KLHL23: variants seen among roughly 807,000 people sequenced by gnomAD.
KLHL23 encodes kelch like family member 23.
Under a neutral mutation model 48.9 loss-of-function variants are expected in KLHL23, and 33 were observed. The observed-to-expected ratio is 0.67, with a 90% CI of 0.51 to 0.90. The LOEUF is 0.90. KLHL23 is among the 40% of genes least tolerant of loss of function. KLHL23 has a pLI of 0.00. For missense variants in KLHL23, 608 were observed against 669.6 expected (o/e 0.91, Z 1.02); for synonymous variants, 234 against 231.6 (o/e 1.01, Z -0.09).
At chr2:169,737,447 C>T (rs973903064) in intron 2 of KLHL23, among the ~76,000 whole-genome samples, 4 of 152,006 alleles carry the variant, frequency 2.6e-5, no homozygotes, top group Admixed American at 1.3e-4. Flanking sequence ...CACTACTTGC[C>T]GATTCCAGGA....
At chr2:169,744,909 A>G (rs1446333276) in intron 3 of KLHL23, among the ~76,000 whole-genome samples, 1 of 150,540 alleles carries the variant, frequency 6.6e-6, no homozygotes, top group Admixed American at 6.6e-5. Context: ...GAGCAAGAGA[A>G]TGATGTGTGA....
chr2:169,735,490 G>C lies in KLHL23; in HGVS notation c.476G>C (p.Arg159Pro). 1 of 1,613,978 alleles carries C rather than the reference G, an allele frequency of 6.2e-7. No homozygotes were observed. The highest frequency in any genetic ancestry group is 8.5e-7 in the Non-Finnish European group (1 of 1,180,010). ...HVCPELEKES[R>P]RILCSKFKEV... ...TGTCCAGAACTAGAGAAGGAATCTCGAAGAATTCTATGTTCAAAGTTTAAG... is the reference window on the plus strand; with the variant it reads ...TGTCCAGAACTAGAGAAGGAATCTCCAAGAATTCTATGTTCAAAGTTTAAG... Residue 159 changes from arginine to proline, a missense_variant, in exon 2 of 4, where the codon CGA becomes CCA. Arg to Pro is a moderately radical substitution (Grantham distance 103). This residue lies in a region of KLHL23 where 419 missense variants were observed against 473.1 expected (regional missense o/e 0.89). Coordinates refer to ENST00000392647, the MANE Select transcript of KLHL23 (RefSeq NM_144711.6). The surrounding 1 kb of genome is among the most constrained non-coding windows in gnomAD (Gnocchi z 4.5).
chr2:169,740,766 T>TTTTATATATATATATA (rs1553477016), intron 2 of KLHL23, among the ~76,000 whole-genome samples: 27 of 125,494 alleles, frequency 2.2e-4, no homozygotes, highest in East Asian at 1.5e-3. Flanking sequence ...CTTTTTTATA[T>TTTTATATATATATATA]TATATATATA....
intron 2 of KLHL23, among the ~76,000 whole-genome samples, chr2:169,740,766 T>TAATATATATATATATATATA (rs1553477017): frequency 0.011 from 1,324 of 125,308 alleles, 42 homozygotes; most frequent in Non-Finnish European, 0.012. Flanking sequence ...CTTTTTTATA[T>TAATATATATATATATATATA]TATATATATA....
intron 3 of KLHL23, 36 bp from the exon 4 acceptor site, chr2:169,749,386 T>C: frequency 1.3e-6 from 2 of 1,522,770 alleles, no homozygotes; most frequent in Non-Finnish European, 1.8e-6. Flanking sequence ...TGTTATCCTT[T>C]AAAAAAATGC....
chr2:169,735,028 G>T lies in KLHL23; in HGVS notation c.14G>T (p.Gly5Val). ...TTTATTGCAGCCATGGCTCTAAAAG[G>T]ACAAGAAGATTATATTTATCTTTTC... MALK[G>V]QEDYIYLFKD... is the part of the protein sequence containing the mutation. The change falls in exon 2 of 4, where the codon GGA becomes GTA. Residue 5 changes from glycine (G) to valine (V), a missense_variant. This residue lies in a region of KLHL23 where 419 missense variants were observed against 473.1 expected (regional missense o/e 0.89). Coordinates refer to ENST00000392647, the MANE Select transcript of KLHL23 (RefSeq NM_144711.6). The surrounding 1 kb of genome is among the most constrained non-coding windows in gnomAD (Gnocchi z 4.5). 1 of 1,550,758 alleles carries T rather than the reference G, an allele frequency of 6.4e-7. No homozygotes were observed. Among genetic ancestry groups the T allele is most frequent in the South Asian group, 1.3e-5 (1 of 79,974 alleles).
rs1688635720 is a variant in KLHL23 at position 169,740,044 on chromosome 2, G to T, written c.1214-1341G>T. 2.0e-5 allele frequency among the ~76,000 whole-genome samples: 3 copies of T among 152,198 alleles called. No individual in the cohort carries two copies. The South Asian group carries it at 6.2e-4, about 31-fold the overall frequency. The stretch of plus-strand genomic sequence containing the variant: ...AATGGAGCTTGCAGGACTGGAAGTT[G>T]TTCTGGTTGAGTCGGTGAGTAAGTG... On this transcript the variant is annotated intron_variant, in intron 2 of 3. Transcript: ENST00000392647.
chr2:169,736,716 T>G (rs1343211007), intron 2 of KLHL23, among the ~76,000 whole-genome samples: 2 of 152,218 alleles, frequency 1.3e-5, no homozygotes, highest in Non-Finnish European at 2.9e-5. Flanking sequence ...GGCACACCCC[T>G]GGGTCTCGGT....
At position 169,733,958 on chromosome 2, in the gene KLHL23, G is replaced by C. The variant is rs920976474; in HGVS notation, c.-132G>C. The C allele has an allele frequency of 6.6e-6, 1 of 152,134 alleles. No individual in the cohort carries two copies. Among genetic ancestry groups the C allele is most frequent in the African/African-American group, 2.4e-5 (1 of 41,418 alleles). The allele number at this position is 152,134 out of a possible 1,614,324, so 9.4% of individuals were successfully genotyped here. A position where few individuals can be genotyped will look rare whatever the true frequency, so the allele number is the denominator to read the frequency against. Reference sequence around the variant, plus strand: ...GGACACCAAAATAGGAGCTGCTTGTGGGGTGGAGCGGCACTAGCTGGCGGC... The same window carrying C: ...GGACACCAAAATAGGAGCTGCTTGTCGGGTGGAGCGGCACTAGCTGGCGGC... On this transcript the variant is annotated 5_prime_UTR_variant, in exon 1 of 4. Coordinates refer to ENST00000392647, the MANE Select transcript of KLHL23 (RefSeq NM_144711.6).
rs573468532 is a variant in KLHL23, at chr2:169,748,786, C to A, written c.1367-636C>A. Among the ~76,000 whole-genome samples, 80 of 115,726 alleles carry A rather than the reference C, an allele frequency of 6.9e-4. 1 individual carries two copies. Among genetic ancestry groups the A allele is most frequent in the African/African-American group, 2.3e-3 (69 of 30,256 alleles). 75.9% of individuals were successfully genotyped at this position (115,726 alleles called of 152,430 possible). ...GAGGAGGACCGCCCCCCCCCCCCCCCATATACATACTTCCAGCCCCAGGAC... is the reference window on the plus strand; with the variant it reads ...GAGGAGGACCGCCCCCCCCCCCCCCAATATACATACTTCCAGCCCCAGGAC... On this transcript the variant is annotated intron_variant, in intron 3 of 3. Coordinates refer to ENST00000392647, the MANE Select transcript of KLHL23 (RefSeq NM_144711.6).
At chr2:169,742,327 A>G (rs77915757) in intron 3 of KLHL23, among the ~76,000 whole-genome samples, 1,717 of 152,326 alleles carry the variant, frequency 0.011, 47 homozygotes, top group African/African-American at 0.04. Context: ...AATACTTACC[A>G]TAGATCAGGC....
intron 3 of KLHL23, among the ~76,000 whole-genome samples, chr2:169,746,560 G>A (rs1004696396): frequency 6.6e-6 from 1 of 152,200 alleles, no homozygotes; most frequent in Admixed American, 6.5e-5. Context: ...AGCACAGTGA[G>A]CAAGGCACAG....
chr2:169,747,643 G>T (rs142536574), intron 3 of KLHL23, among the ~76,000 whole-genome samples: 301 of 152,002 alleles, frequency 2.0e-3, no homozygotes, highest in African/African-American at 6.8e-3. Context: ...CTAAAGAGGG[G>T]CTTGCTTATA....
chr2:169,748,101 G>C (rs1431830521), intron 3 of KLHL23, among the ~76,000 whole-genome samples: 1 of 152,204 alleles, frequency 6.6e-6, no homozygotes, highest in Non-Finnish European at 1.5e-5. Flanking sequence ...TCCAACCTGG[G>C]TGACAGAGCA....
chr2:169,734,244 C>G (rs1688454779), intron 1 of KLHL23, among the ~76,000 whole-genome samples, 157 bp downstream of exon 1: 1 of 143,896 alleles, frequency 6.9e-6, no homozygotes, highest in South Asian at 2.1e-4. Context: ...GGCGCCGGGC[C>G]GGGCCGAACG....
Position 169,749,697 on chromosome 2 carries a change from C to A in KLHL23, c.1642C>A (p.Arg548=). ...EIVGNLPSAM[R]SHGCVCVYNV ...AGTGGGTAATCTTCCCAGTGCCATG[C>A]GGTCTCATGGGTGTGTTTGTGTGTA... Residue 548 remains arginine (R), a synonymous_variant, in exon 4 of 4, where the codon CGG becomes AGG. Coordinates refer to ENST00000392647, the MANE Select transcript of KLHL23 (RefSeq NM_144711.6). 2.5e-6 allele frequency: 4 copies of A among 1,611,000 alleles called. No individual in the cohort carries two copies. The highest frequency in any genetic ancestry group is 3.4e-6 in the Non-Finnish European group (4 of 1,177,528).
chr2:169,742,273 G>A (rs1023566458), intron 3 of KLHL23, among the ~76,000 whole-genome samples: 5 of 152,188 alleles, frequency 3.3e-5, no homozygotes, highest in Non-Finnish European at 7.4e-5. Flanking sequence ...TCAGTGGAGG[G>A]GGTAGTGGAA....
intron 2 of KLHL23, among the ~76,000 whole-genome samples, chr2:169,737,070 G>A (rs906752759): frequency 1.3e-5 from 2 of 152,188 alleles, no homozygotes. Flanking sequence ...AAGCTAAACT[G>A]CCTGCATCCA....
intron 3 of KLHL23, among the ~76,000 whole-genome samples, chr2:169,743,209 G>A (rs1345068985): frequency 6.6e-6 from 1 of 152,268 alleles, no homozygotes. Context: ...AAATTAGAGG[G>A]CAGTTATTTA....
Sources: gnomAD v4.1 joint callset for allele counts (sites outside exome capture counted in the v4.1 genomes callset) on GRCh38, gnomAD v4.1.1 for gene constraint, gnomAD v4.1.1 regional missense constraint, Gnocchi (gnomAD v3.1) non-coding constraint, MANE v1.5 for transcripts, NCBI Gene and HGNC (gene_info 2026-07-23, HGNC 2026-07-21) for gene names.